RBBP4: variants seen among roughly 807,000 people sequenced by gnomAD.
RBBP4 encodes the protein RB binding protein 4, chromatin remodeling factor, also known as histone-binding protein RBBP4.
RBBP4 carries 3 observed loss-of-function variants against 57.2 expected under a neutral mutation model. That is an observed-to-expected ratio of 0.05 (90% CI 0.02 to 0.14). The LOEUF is 0.14. Ranked by LOEUF, RBBP4 falls within the 10% of genes least tolerant of loss-of-function variation. RBBP4 has a pLI of 1.00. For missense variants in RBBP4, 107 were observed against 520.6 expected (o/e 0.21, Z 7.73); for synonymous variants, 151 against 171.5 (o/e 0.88, Z 0.93).
intron 8 of RBBP4, 94 bp from the exon 9 acceptor site, chr1:32,672,356 T>C: frequency 2.0e-6 from 2 of 1,006,722 alleles, no homozygotes; most frequent in East Asian, 5.2e-5. Context: ...TTCCCTTTTA[T>C]TTACAAAATT....
At chr1:32,668,681 T>G in intron 4 of RBBP4, 58 bp from the exon 5 acceptor site, 2 of 1,380,368 alleles carry the variant, frequency 1.4e-6, no homozygotes, top group East Asian at 4.6e-5. Context: ...TCCATTATGC[T>G]CAGTAGGCCC....
chr1:32,668,604 C>T lies in RBBP4; in HGVS notation c.485-135C>T, dbSNP rs139408578. On this transcript the variant is annotated intron_variant, in intron 4 of 11. Transcript: ENST00000373493. ...AATACTGGTGCTGTTTAAGCATTAT[C>T]TATTTGATCATAACGGTTCCTATAT... is the stretch of plus-strand genomic sequence containing the variant. The T allele has an allele frequency of 3.8e-4, 324 of 852,522 alleles. 2 individuals carry two copies. The African/African-American group carries it at 5.1e-3, about 14-fold the overall frequency. 52.8% of individuals were successfully genotyped at this position (852,522 alleles called of 1,614,324 possible).
intron 11 of RBBP4, 111 bp from the exon 12 acceptor site, chr1:32,679,529 C>A: frequency 1.0e-6 from 1 of 953,670 alleles, no homozygotes; most frequent in Non-Finnish European, 1.5e-6. Flanking sequence ...ATTGTGTGGC[C>A]CAAAAGCTAT....
At chr1:32,675,026 C>T (rs530729046) in intron 11 of RBBP4, among the ~76,000 whole-genome samples, 3 of 151,784 alleles carry the variant, frequency 2.0e-5, no homozygotes, top group South Asian at 2.1e-4. Flanking sequence ...CGTGAGCCAC[C>T]GTGCCCGGCA....
At position 32,685,327 on chromosome 1, in the gene RBBP4, T is replaced by A. The variant is rs1031227329; in HGVS notation, c.*5622T>A. 1 of 152,096 alleles carries A rather than the reference T, an allele frequency of 6.6e-6. No homozygotes were observed. The highest frequency in any genetic ancestry group is 2.4e-5 in the African/African-American group (1 of 41,418). The allele number at this position is 152,096 out of a possible 1,614,324, so 9.4% of individuals were successfully genotyped here. ...TAGGATGTATACCTGAGGAATAAGG[T>A]AAGGAAGATGTCAGCAAGTCAGTCT... is the stretch of plus-strand genomic sequence containing the variant. On this transcript the variant is annotated 3_prime_UTR_variant, in exon 12 of 12. Coordinates refer to ENST00000373493, the MANE Select transcript of RBBP4 (RefSeq NM_005610.3).
chr1:32,669,629 G>T lies in RBBP4; in HGVS notation c.966+66G>T, dbSNP rs1193326022. On this transcript the variant is annotated intron_variant, in intron 8 of 11. Transcript: ENST00000373493. The surrounding 1 kb of genome is among the most constrained non-coding windows in gnomAD (Gnocchi z 4.9). ...AAACCTGCTGGGCGCGGTCGCTCACGCCTGTAATCCCAGCACTTTGGGAGG... is the reference window on the plus strand; with the variant it reads ...AAACCTGCTGGGCGCGGTCGCTCACTCCTGTAATCCCAGCACTTTGGGAGG... The T allele has an allele frequency of 3.3e-6, 5 of 1,534,808 alleles. No individual in the cohort carries two copies. The South Asian group carries it at 3.8e-5, about 12-fold the overall frequency.
chr1:32,651,574 G>A, intron 1 of RBBP4: 2 of 1,047,734 alleles, frequency 1.9e-6, no homozygotes, highest in Non-Finnish European at 1.3e-6. Flanking sequence ...CTCCGATATC[G>A]GTTTCTCGGC....
rs558897341 is a variant in RBBP4 at position 32,678,567 on chromosome 1, CTTTTTTTTTTTTTTTTTTT to C, written c.1213-1051_1213-1033del. Among the ~76,000 whole-genome samples, 402 of 43,622 alleles carry C rather than the reference CTTTTTTTTTTTTTTTTTTT, an allele frequency of 9.2e-3. 4 individuals are homozygous for C. The highest frequency in any genetic ancestry group is 0.034 in the African/African-American group (377 of 11,204). 28.6% of individuals were successfully genotyped at this position (43,622 alleles called of 152,430 possible). The stretch of plus-strand genomic sequence containing the variant: ...AATAAAATCCTAAAGTATGTGACAG[CTTTTTTTTTTTTTTTTTTT>C]TTTTTTTTTTTTTTTTTTTTTGGCA... On this transcript the variant is annotated intron_variant, in intron 11 of 11. Transcript: ENST00000373493.
chr1:32,668,635 A>T, intron 4 of RBBP4, 104 bp from the exon 5 acceptor site: 1 of 940,136 alleles, frequency 1.1e-6, no homozygotes, highest in Non-Finnish European at 1.6e-6. Flanking sequence ...TATATCATTT[A>T]TAAATGTTAA....
chr1:32,652,683 A>G (rs1647891287), intron 2 of RBBP4, among the ~76,000 whole-genome samples: 1 of 152,098 alleles, frequency 6.6e-6, no homozygotes, highest in Non-Finnish European at 1.5e-5. Context: ...CTGGGATTAC[A>G]GGCACCTGCC....
chr1:32,661,429 G>A (rs1390394000), intron 3 of RBBP4, among the ~76,000 whole-genome samples: 1 of 151,088 alleles, frequency 6.6e-6, no homozygotes, highest in African/African-American at 2.4e-5. Context: ...CGAGTATCTG[G>A]GATTACAGTC....
chr1:32,667,590 T>TA (rs1444496123), intron 3 of RBBP4, among the ~76,000 whole-genome samples: 5 of 152,324 alleles, frequency 3.3e-5, no homozygotes, highest in East Asian at 1.9e-4. Context: ...CTTTATTTCT[T>TA]ATGATCTCTC....
At chr1:32,655,250 TAC>T (rs1648086810) in intron 2 of RBBP4, among the ~76,000 whole-genome samples, 1 of 152,180 alleles carries the variant, frequency 6.6e-6, no homozygotes, top group Non-Finnish European at 1.5e-5. Flanking sequence ...GTGCTGGGAT[TAC>T]AGACATGAGC....
intron 11 of RBBP4, among the ~76,000 whole-genome samples, chr1:32,677,576 G>A (rs1190579304): frequency 1.3e-5 from 2 of 152,136 alleles, no homozygotes; most frequent in Non-Finnish European, 2.9e-5. Flanking sequence ...GGAGGCAGTA[G>A]TGGGAACCCT....
At chr1:32,674,523 C>T (rs1430504657) in intron 11 of RBBP4, among the ~76,000 whole-genome samples, 2 of 151,756 alleles carry the variant, frequency 1.3e-5, no homozygotes, top group Non-Finnish European at 2.9e-5. Flanking sequence ...GCTGCCCACC[C>T]GCCCCCCACT....
chr1:32,675,432 C>G (rs376102429), intron 11 of RBBP4, among the ~76,000 whole-genome samples: 4 of 151,830 alleles, frequency 2.6e-5, no homozygotes, highest in African/African-American at 7.3e-5. Context: ...TCTTTTACCT[C>G]CAAATACCAT....
At chr1:32,668,089 G>A (rs1407003601) in intron 3 of RBBP4, 136 bp from the exon 4 acceptor site, 3 of 761,632 alleles carry the variant, frequency 3.9e-6, no homozygotes, top group Non-Finnish European at 6.1e-6. Flanking sequence ...TATAGTGCTA[G>A]CAAATGTATA....
At chr1:32,664,132 G>A (rs1648545252) in intron 3 of RBBP4, among the ~76,000 whole-genome samples, 1 of 152,052 alleles carries the variant, frequency 6.6e-6, no homozygotes, top group Non-Finnish European at 1.5e-5. Context: ...GTTTTACCGT[G>A]TTAGCCAGCA....
At position 32,651,290 on chromosome 1, in the gene RBBP4, C is replaced by T. The variant is rs905377830; in HGVS notation, c.-17C>T. 6.7e-7 allele frequency: 1 copy of T among 1,483,458 alleles called. No individual in the cohort carries two copies. The highest frequency in any genetic ancestry group is 8.9e-7 in the Non-Finnish European group (1 of 1,117,806). 91.9% of individuals were successfully genotyped at this position (1,483,458 alleles called of 1,614,324 possible). A position where few individuals can be genotyped will look rare whatever the true frequency, so the allele number is the denominator to read the frequency against. On this transcript the variant is annotated 5_prime_UTR_variant, in exon 1 of 12. Coordinates refer to ENST00000373493, the MANE Select transcript of RBBP4 (RefSeq NM_005610.3). ...GCAACGCTCGACCCCAGGATTCCCC[C>T]GGCTCGCCTGCCCGCCATGGCCGAC...
Sources: allele counts gnomAD v4.1 joint callset (sites outside exome capture counted in the v4.1 genomes callset), GRCh38; gene constraint gnomAD v4.1.1; non-coding constraint Gnocchi (gnomAD v3.1); transcripts MANE v1.5; gene names NCBI Gene and HGNC (gene_info 2026-07-23, HGNC 2026-07-21).